Variants in RAI14 observed in about 807,000 individuals in gnomAD.
RAI14 encodes the protein retinoic acid induced 14, also known as ankycorbin.
RAI14 carries 45 observed loss-of-function variants against 115.4 expected under a neutral mutation model. That is an observed-to-expected ratio of 0.39 (90% CI 0.31 to 0.50). The LOEUF (loss-of-function observed/expected upper bound fraction) is 0.50. RAI14 is among the 20% of genes least tolerant of loss of function. The pLI is 0.85. For synonymous variants in RAI14, 371 were observed against 415.4 expected, an observed-to-expected ratio of 0.89 and a Z score of 1.30; for missense variants, 939 against 1,131.2, an observed-to-expected ratio of 0.83 and a Z score of 2.44.
chr5:34,683,040 A>T (rs1440535954), intron 1 of RAI14, among the ~76,000 whole-genome samples: 3 of 152,206 alleles, frequency 2.0e-5, no homozygotes, highest in Non-Finnish European at 2.9e-5. Context: ...TTTACTCATG[A>T]TTCATCTTGA....
chr5:34,663,333 A>G (rs1261499014), intron 1 of RAI14, among the ~76,000 whole-genome samples: 4 of 152,046 alleles, frequency 2.6e-5, no homozygotes, highest in Admixed American at 6.6e-5. Context: ...CTTGGGAAAC[A>G]TGGCGAAACT....
chr5:34,781,052 G>A (rs28716496), intron 3 of RAI14, among the ~76,000 whole-genome samples: 4,195 of 152,102 alleles, frequency 0.028, 198 homozygotes, highest in African/African-American at 0.096. Flanking sequence ...AAAAAAGGAT[G>A]AGTTCATGTC....
At chr5:34,697,051 A>G (rs185301922) in intron 2 of RAI14, among the ~76,000 whole-genome samples, 2 of 152,266 alleles carry the variant, frequency 1.3e-5, no homozygotes, top group African/African-American at 4.8e-5. Context: ...GAATCACTTG[A>G]ACCTGTGAGG....
intron 10 of RAI14, among the ~76,000 whole-genome samples, chr5:34,812,605 C>T (rs1580342548): frequency 6.6e-6 from 1 of 151,928 alleles, no homozygotes; most frequent in Non-Finnish European, 1.5e-5. Flanking sequence ...GCAGAGGTTG[C>T]GGTGAGCTGA....
intron 2 of RAI14, among the ~76,000 whole-genome samples, chr5:34,692,458 T>C (rs1738747297): frequency 6.7e-6 from 1 of 149,852 alleles, no homozygotes; most frequent in Middle Eastern, 3.5e-3. Context: ...GGCGTGAACC[T>C]GGGAAGCGGA....
intron 2 of RAI14, among the ~76,000 whole-genome samples, chr5:34,687,225 T>C (rs1205808701): frequency 6.6e-6 from 1 of 152,218 alleles, no homozygotes; most frequent in East Asian, 1.9e-4. Context: ...ACATTAAACA[T>C]CTTCAAAGGA....
chr5:34,688,537 T>TA (rs1164273675), intron 2 of RAI14, among the ~76,000 whole-genome samples: 3 of 152,090 alleles, frequency 2.0e-5, no homozygotes, highest in Non-Finnish European at 2.9e-5. Context: ...TTCCATGATT[T>TA]AAAAAAATCC....
intron 13 of RAI14, among the ~76,000 whole-genome samples, 179 bp from the exon 14 acceptor site, chr5:34,821,553 A>C (rs1756831587): frequency 6.6e-6 from 1 of 152,176 alleles, no homozygotes; most frequent in African/African-American, 2.4e-5. Flanking sequence ...CACAGTAAGG[A>C]AACCCCAGTT....
intron 1 of RAI14, among the ~76,000 whole-genome samples, chr5:34,672,082 A>G (rs1241649536): frequency 6.6e-6 from 1 of 152,160 alleles, no homozygotes; most frequent in Non-Finnish European, 1.5e-5. Flanking sequence ...TACACATGGG[A>G]TAATGGACAT....
intron 12 of RAI14, among the ~76,000 whole-genome samples, chr5:34,817,965 C>T (rs146905711): frequency 2.1e-3 from 316 of 152,144 alleles, no homozygotes; most frequent in African/African-American, 7.4e-3. Context: ...GTTTATTATA[C>T]GTTATATAGT....
chr5:34,733,243 C>G (rs781300375), intron 2 of RAI14: 14 of 152,124 alleles, frequency 9.2e-5, no homozygotes, highest in Non-Finnish European at 1.8e-4. Context: ...CTTTGTAGTT[C>G]TTGTTCACAG....
At chr5:34,822,250 GTA>G (rs376790121) in intron 14 of RAI14, among the ~76,000 whole-genome samples, 7,332 of 134,690 alleles carry the variant, frequency 0.054, 212 homozygotes, top group African/African-American at 0.081. Context: ...ATGTGTGTAT[GTA>G]TATATATATA....
chr5:34,762,867 G>A (rs1298499350), intron 3 of RAI14, among the ~76,000 whole-genome samples: 2 of 151,950 alleles, frequency 1.3e-5, no homozygotes, highest in African/African-American at 2.4e-5. Flanking sequence ...ATCACTGCCG[G>A]CACTGTAGTA....
chr5:34,793,879 G>C (rs1020196943), intron 3 of RAI14, among the ~76,000 whole-genome samples: 4 of 152,084 alleles, frequency 2.6e-5, no homozygotes, highest in African/African-American at 9.7e-5. Flanking sequence ...ATTTCAATTA[G>C]TATCCCTAAA....
intron 1 of RAI14, among the ~76,000 whole-genome samples, chr5:34,675,675 C>T (rs1285407820): frequency 2.0e-5 from 3 of 151,660 alleles, no homozygotes; most frequent in Admixed American, 6.6e-5. Flanking sequence ...CACTTGAGCC[C>T]AGGAGTTTGA....
At chr5:34,804,620 A>T (rs1435320284) in intron 5 of RAI14, among the ~76,000 whole-genome samples, 1 of 152,228 alleles carries the variant, frequency 6.6e-6, no homozygotes, top group Non-Finnish European at 1.5e-5. Flanking sequence ...TGTGCTGTTG[A>T]TCACACAGCT....
intron 3 of RAI14, among the ~76,000 whole-genome samples, chr5:34,785,686 G>A (rs1304837231): frequency 6.6e-6 from 1 of 152,128 alleles, no homozygotes; most frequent in African/African-American, 2.4e-5. Flanking sequence ...TATTTCACAG[G>A]TAGGATGTTT....
At chr5:34,739,033 G>T (rs759506219) in intron 2 of RAI14, among the ~76,000 whole-genome samples, 1 of 152,134 alleles carries the variant, frequency 6.6e-6, no homozygotes, top group Non-Finnish European at 1.5e-5. Context: ...GTAAATCTGG[G>T]TTTGGCCATG....
In RAI14 at chr5:34,830,975, G is replaced by A. The variant is rs571410971; in HGVS notation, c.*210G>A. On this transcript the variant is annotated 3_prime_UTR_variant, in exon 18 of 18. Coordinates refer to ENST00000265109, the MANE Select transcript of RAI14 (RefSeq NM_015577.3). ...AGACTTCAAACCAGCAGAGGTGAAA[G>A]TCCCTGTCATCCCTTCAGATTCCAG... is the stretch of plus-strand genomic sequence containing the variant. 2.7e-4 allele frequency: 222 copies of A among 827,972 alleles called. No homozygotes were observed. In the South Asian group the frequency reaches 4.1e-3, roughly 15 times the overall value. 51.3% of individuals were successfully genotyped at this position (827,972 alleles called of 1,614,324 possible).
Sources: allele counts gnomAD v4.1 joint callset (sites outside exome capture counted in the v4.1 genomes callset), GRCh38; gene constraint gnomAD v4.1.1; transcripts MANE v1.5; gene names NCBI Gene and HGNC (gene_info 2026-07-23, HGNC 2026-07-21).